SBF2: variants seen among roughly 807,000 people sequenced by gnomAD.
The protein encoded by SBF2 is SET binding factor 2.
In SBF2, 112 loss-of-function variants were observed where a neutral mutation model predicts 225.2. The ratio of observed to expected loss-of-function variants is 0.50; its 90% confidence interval spans 0.43 to 0.58. SBF2 has a LOEUF of 0.58. SBF2 is among the 20% of genes least tolerant of loss of function. SBF2 has a pLI of 0.00. For missense variants in SBF2, 1,996 were observed against 2,206.2 expected, an observed-to-expected ratio of 0.90 and a Z score of 1.91; for synonymous variants, 763 against 773.3, an observed-to-expected ratio of 0.99 and a Z score of 0.22.
chr11:10,242,669 G>A (rs1293187187), intron 1 of SBF2, among the ~76,000 whole-genome samples: 1 of 152,046 alleles, frequency 6.6e-6, no homozygotes, highest in Non-Finnish European at 1.5e-5. Flanking sequence ...ACAAATGGTA[G>A]CCAAAAGAGA....
chr11:10,043,272 A>T (rs187105709), intron 2 of SBF2, among the ~76,000 whole-genome samples: 167 of 152,346 alleles, frequency 1.1e-3, no homozygotes, highest in African/African-American at 3.9e-3. Flanking sequence ...AAAATTAAAG[A>T]CATCCCCCAA....
At chr11:9,825,982 A>G (rs1855038430) in intron 28 of SBF2, among the ~76,000 whole-genome samples, 1 of 152,136 alleles carries the variant, frequency 6.6e-6, no homozygotes, top group African/African-American at 2.4e-5. Flanking sequence ...CTTGTTCAAC[A>G]TTTTTTTAAA....
chr11:9,888,331 T>C (rs1406100571), intron 17 of SBF2, among the ~76,000 whole-genome samples: 1 of 151,978 alleles, frequency 6.6e-6, no homozygotes, highest in African/African-American at 2.4e-5. Flanking sequence ...ATGTCATCTC[T>C]ACAAAAGAAA....
At chr11:9,922,905 A>T (rs1305162807) in intron 16 of SBF2, among the ~76,000 whole-genome samples, 2 of 152,216 alleles carry the variant, frequency 1.3e-5, no homozygotes, top group Non-Finnish European at 2.9e-5. Context: ...ACCCACCAGG[A>T]GGTTGCCTCG....
At position 10,031,202 on chromosome 11, in the gene SBF2, G is replaced by A. The variant is rs774081673; in HGVS notation, c.280-32C>T. 10 of 1,609,698 alleles carry A rather than the reference G, an allele frequency of 6.2e-6. No homozygotes were observed. The Admixed American group carries it at 8.3e-5, about 13-fold the overall frequency. On this transcript the variant is annotated intron_variant, in intron 3 of 39. Transcript: ENST00000256190. ...AAAGAGACACTGAAATCAACAAACA[G>A]AAGGGATTTCCTAGGTTCATAATTC...
At chr11:10,045,008 T>C (rs1177342815) in intron 2 of SBF2, among the ~76,000 whole-genome samples, 3 of 152,070 alleles carry the variant, frequency 2.0e-5, no homozygotes, top group African/African-American at 7.2e-5. Context: ...CACTTGTCTG[T>C]GCACAGACAA....
intron 16 of SBF2, among the ~76,000 whole-genome samples, chr11:9,913,164 G>C (rs1274419183): frequency 1.3e-5 from 2 of 152,146 alleles, no homozygotes; most frequent in Non-Finnish European, 2.9e-5. Context: ...TGTGCCTGTA[G>C]TCTCAGCTAT....
Position 10,202,649 on chromosome 11 carries a change from G to A in SBF2, c.56-8662C>T, listed in dbSNP as rs370640464. Among the ~76,000 whole-genome samples, 16 of 152,260 alleles carry A rather than the reference G, an allele frequency of 1.1e-4. No individual in the cohort carries two copies. In the Middle Eastern group the frequency reaches 0.01, roughly 97 times the overall value. Reference sequence around the variant, plus strand: ...AAATAACAAAAAAAATTAGCTGGGCGTGGTGGCGGGTGCCTGCAGTCCCAG... The same window carrying A: ...AAATAACAAAAAAAATTAGCTGGGCATGGTGGCGGGTGCCTGCAGTCCCAG... On this transcript the variant is annotated intron_variant, in intron 1 of 39. Coordinates refer to ENST00000256190, the MANE Select transcript of SBF2 (RefSeq NM_030962.4).
In SBF2 at chr11:9,842,545, G is replaced by A. The variant is rs150422110; in HGVS notation, c.3256+80C>T. 1,380 of 1,436,316 alleles carry A rather than the reference G, an allele frequency of 9.6e-4. 21 individuals carry two copies. In the East Asian group the frequency reaches 0.019, roughly 20 times the overall value. The allele number at this position is 1,436,316 out of a possible 1,614,324, so 89.0% of individuals were successfully genotyped here. A position where few individuals can be genotyped will look rare whatever the true frequency, so the allele number is the denominator to read the frequency against. ...GATCTAGGTTTTTGTGAATCAAGAT[G>A]TAAGTGCAACTACATCTGAGTCTCT... On this transcript the variant is annotated intron_variant, in intron 25 of 39. Transcript: ENST00000256190.
At chr11:9,835,620 A>T in intron 26 of SBF2, among the ~76,000 whole-genome samples, 1 of 108,696 alleles carries the variant, frequency 9.2e-6, no homozygotes, top group Non-Finnish European at 1.8e-5. Flanking sequence ...AGACAGAGCA[A>T]GACCTTGTCT....
At chr11:9,939,934 A>G (rs372610141) in intron 16 of SBF2, among the ~76,000 whole-genome samples, 3 of 152,338 alleles carry the variant, frequency 2.0e-5, no homozygotes, top group African/African-American at 7.2e-5. Flanking sequence ...GTGATGTCAT[A>G]TATTTTTAAT....
In SBF2 at chr11:9,963,192, T is replaced by C. The variant is rs557823378; in HGVS notation, c.1710+581A>G. ...TAAAATGTTAAGTTTTGGCCAAGCA[T>C]GTTGGCTCATACATGTAATCCCAGC... On this transcript the variant is annotated intron_variant, in intron 15 of 39. Transcript: ENST00000256190. Among the ~76,000 whole-genome samples the C allele has an allele frequency of 3.3e-5, 5 of 152,322 alleles. No homozygotes were observed. In the South Asian group the frequency reaches 1.0e-3, roughly 32 times the overall value.
intron 2 of SBF2, among the ~76,000 whole-genome samples, chr11:10,097,348 C>G (rs762873184): frequency 1.3e-5 from 2 of 152,144 alleles, no homozygotes; most frequent in Non-Finnish European, 2.9e-5. Flanking sequence ...AAATTACTGT[C>G]TGTAGTATTT....
intron 16 of SBF2, among the ~76,000 whole-genome samples, chr11:9,898,993 A>C (rs1861500705): frequency 6.6e-6 from 1 of 152,020 alleles, no homozygotes; most frequent in Non-Finnish European, 1.5e-5. Context: ...GGTATCACAG[A>C]TGTTAAGAGG....
intron 6 of SBF2, among the ~76,000 whole-genome samples, chr11:10,003,649 G>A (rs372960406): frequency 5.3e-5 from 8 of 152,090 alleles, no homozygotes; most frequent in African/African-American, 1.9e-4. Context: ...TTACAGGTGT[G>A]AGCCACCGCG....
intron 2 of SBF2, among the ~76,000 whole-genome samples, chr11:10,068,299 A>G (rs1228756677): frequency 3.3e-5 from 5 of 152,140 alleles, no homozygotes; most frequent in Admixed American, 1.3e-4. Context: ...CTGAATCCTC[A>G]TTTTGGTCAG....
At chr11:9,834,020 C>T (rs1454598516) in intron 26 of SBF2, among the ~76,000 whole-genome samples, 3 of 148,550 alleles carry the variant, frequency 2.0e-5, no homozygotes, top group East Asian at 2.0e-4. Context: ...CCACCTGCCT[C>T]GGCCTCCCAA....
intron 6 of SBF2, among the ~76,000 whole-genome samples, chr11:10,009,959 T>C (rs1046084577): frequency 6.6e-5 from 10 of 152,240 alleles, no homozygotes; most frequent in Non-Finnish European, 1.2e-4. Context: ...TGGCATGACA[T>C]GGTATCTCAT....
At chr11:10,066,028 T>A (rs527682853) in intron 2 of SBF2, among the ~76,000 whole-genome samples, 83 of 152,104 alleles carry the variant, frequency 5.5e-4, no homozygotes, top group Non-Finnish European at 1.1e-3. Flanking sequence ...AATAACCCTA[T>A]ATCCATTGAA....
Sources: gnomAD v4.1 joint callset for allele counts (sites outside exome capture counted in the v4.1 genomes callset) on GRCh38, gnomAD v4.1.1 for gene constraint, MANE v1.5 for transcripts, NCBI Gene and HGNC (gene_info 2026-07-23, HGNC 2026-07-21) for gene names.